Variants in ZNF599 observed in about 807,000 individuals in gnomAD.
ZNF599 encodes zinc finger protein 599.
A neutral mutation model predicts 11.7 loss-of-function variants in ZNF599; 10 were observed. The observed-to-expected ratio is 0.86, with a 90% CI of 0.53 to 1.45. The LOEUF is 1.45. Among genes scored for constraint, ZNF599 ranks in the 40% most tolerant of loss-of-function variants. The probability of loss-of-function intolerance (pLI) is 0.00; values close to 1 mark genes in which losing one functional copy is unlikely to be tolerated. For synonymous variants in ZNF599, 232 were observed against 253.2 expected, an observed-to-expected ratio of 0.92 and a Z score of 0.79; for missense variants, 688 against 713.6, an observed-to-expected ratio of 0.96 and a Z score of 0.41.
At chr19:34,803,832 G>A in the ZNF599 span, among the ~76,000 whole-genome samples, 3 of 152,068 alleles carry the variant, frequency 2.0e-5, no homozygotes, top group Non-Finnish European at 2.9e-5. Context: ...AAATACCAGA[G>A]CCCTAGGACA....
Position 34,773,006 on chromosome 19 carries a change from C to T in ZNF599, c.-165G>A. The T allele has an allele frequency of 1.2e-6, 1 of 812,912 alleles. No individual in the cohort carries two copies. Among genetic ancestry groups the T allele is most frequent in the South Asian group, 2.0e-5 (1 of 49,954 alleles). 50.4% of individuals were successfully genotyped at this position (812,912 alleles called of 1,614,324 possible). Reference sequence around the variant, plus strand: ...GCCGCCTCTGCGCGCCGTGAGGACACAGGGCTGTCGCCAAGGCCCCAGGAA... The same window carrying T: ...GCCGCCTCTGCGCGCCGTGAGGACATAGGGCTGTCGCCAAGGCCCCAGGAA... On this transcript the variant is annotated 5_prime_UTR_variant, in exon 1 of 4. In the 5' UTR this introduces an upstream ATG that the reference lacks. Transcript: ENST00000329285.
chr19:34,777,542 C>T (rs59153313), upstream of ZNF599, among the ~76,000 whole-genome samples: 1 of 113,484 alleles, frequency 8.8e-6, no homozygotes. Flanking sequence ...ATCTATATAT[C>T]TATATTATAT....
chr19:34,769,925 T>C (rs1322172694), intron 1 of ZNF599, among the ~76,000 whole-genome samples: 3 of 152,218 alleles, frequency 2.0e-5, no homozygotes, highest in African/African-American at 4.8e-5. Context: ...GGGCTTCACA[T>C]GCTGTGTTCA....
the ZNF599 span, among the ~76,000 whole-genome samples, chr19:34,806,640 A>C: frequency 1.9e-5 from 2 of 107,642 alleles, no homozygotes; most frequent in Non-Finnish European, 4.1e-5. Context: ...TCTGCACAGA[A>C]TAGACTTATC....
At chr19:34,779,222 G>A in the ZNF599 span, among the ~76,000 whole-genome samples, 1 of 145,546 alleles carries the variant, frequency 6.9e-6, no homozygotes, top group African/African-American at 2.6e-5. Context: ...TGGGACTACA[G>A]GTATGTGCCA....
At chr19:34,762,505 T>G (rs1262588718) in intron 3 of ZNF599, among the ~76,000 whole-genome samples, 1 of 152,140 alleles carries the variant, frequency 6.6e-6, no homozygotes, top group African/African-American at 2.4e-5. Context: ...TAAGAGAAAC[T>G]CCTATAGATG....
At chr19:34,764,422 T>C (rs1034557311) in intron 3 of ZNF599, 5 of 152,236 alleles carry the variant, frequency 3.3e-5, no homozygotes, top group African/African-American at 7.2e-5. Context: ...TCCACTTGTA[T>C]GTATATTCCC....
At chr19:34,766,767 C>T (rs12462956) in intron 3 of ZNF599, among the ~76,000 whole-genome samples, 1 of 152,164 alleles carries the variant, frequency 6.6e-6, no homozygotes, top group Admixed American at 6.5e-5. Context: ...CAACATGTAG[C>T]CTAATACCCA....
chr19:34,776,472 C>G (rs930033948), upstream of ZNF599, among the ~76,000 whole-genome samples: 1 of 152,190 alleles, frequency 6.6e-6, no homozygotes, highest in African/African-American at 2.4e-5. Flanking sequence ...CATGGGCTTG[C>G]GATTCTTCAG....
At chr19:34,799,447 T>C in the ZNF599 span, among the ~76,000 whole-genome samples, 1 of 152,220 alleles carries the variant, frequency 6.6e-6, no homozygotes, top group South Asian at 2.1e-4. Context: ...CTGGTTTTTG[T>C]TTCCTTTTTA....
chr19:34,781,186 GA>G, the ZNF599 span, among the ~76,000 whole-genome samples: 1 of 148,414 alleles, frequency 6.7e-6, no homozygotes, highest in African/African-American at 2.5e-5. Flanking sequence ...AAAAGAAAAG[GA>G]AGGAAGGAGA....
chr19:34,762,619 GTGT>G (rs945119622), intron 3 of ZNF599, among the ~76,000 whole-genome samples: 10 of 152,204 alleles, frequency 6.6e-5, no homozygotes, highest in African/African-American at 2.2e-4. Flanking sequence ...TAAATACATT[GTGT>G]TATATTCATG....
At chr19:34,796,011 G>C in the ZNF599 span, among the ~76,000 whole-genome samples, 3 of 151,860 alleles carry the variant, frequency 2.0e-5, no homozygotes, top group African/African-American at 7.3e-5. Flanking sequence ...AGTAGAGATG[G>C]GGTTTCTCCA....
At chr19:34,761,820 A>ATG (rs2069115386) in intron 3 of ZNF599, among the ~76,000 whole-genome samples, 1 of 152,234 alleles carries the variant, frequency 6.6e-6, no homozygotes, top group South Asian at 2.1e-4. Context: ...TAAACATTAA[A>ATG]CATATTTTGT....
chr19:34,792,167 T>C, the ZNF599 span, among the ~76,000 whole-genome samples: 109 of 152,314 alleles, frequency 7.2e-4, no homozygotes, highest in Admixed American at 1.8e-3. Flanking sequence ...AATCCAACAC[T>C]GTTCATGGGC....
At chr19:34,777,968 G>A (rs750946970), upstream of ZNF599, among the ~76,000 whole-genome samples, 11 of 151,932 alleles carry the variant, frequency 7.2e-5, no homozygotes, top group East Asian at 1.9e-4. Context: ...CAAGTTAAGC[G>A]TTCTTACTAC....
chr19:34,769,581 G>GT, intron 1 of ZNF599, 26 bp from the exon 2 acceptor site: 1 of 1,607,404 alleles, frequency 6.2e-7, no homozygotes, highest in Non-Finnish European at 8.5e-7. Context: ...GAGGTGACAG[G>GT]TGGCTGTGGA....
Position 34,759,081 on chromosome 19 carries a change from G to A in ZNF599, c.1720C>T (p.His574Tyr). The A allele has an allele frequency of 1.2e-6, 2 of 1,613,946 alleles. No individual in the cohort carries two copies. Among genetic ancestry groups the A allele is most frequent in the Non-Finnish European group, 1.7e-6 (2 of 1,179,826 alleles). Residue 574 changes from histidine (H) to tyrosine (Y), a missense_variant, in exon 4 of 4, where the codon CAC (histidine) becomes TAC (tyrosine). By Grantham distance (83) the His-to-Tyr change is moderately conservative. Transcript: ENST00000329285. The part of the protein sequence containing the change: ...ECNECGKTFS[H>Y]SSSFTHHRKI... ...CGATGGTGAGTGAACGATGAACTGT[G>A]GCTGAAGGTCTTTCCACATTCATTG... is the stretch of plus-strand genomic sequence containing the variant.
At chr19:34,799,663 T>C in the ZNF599 span, among the ~76,000 whole-genome samples, 1 of 152,242 alleles carries the variant, frequency 6.6e-6, no homozygotes, top group Non-Finnish European at 1.5e-5. Context: ...TGCTCTAACC[T>C]GCTAGGACTC....
Sources: allele counts gnomAD v4.1 joint callset (sites outside exome capture counted in the v4.1 genomes callset), GRCh38; gene constraint gnomAD v4.1.1; transcripts MANE v1.5; gene names NCBI Gene and HGNC (gene_info 2026-07-23, HGNC 2026-07-21).